GHR: variants seen among roughly 807,000 people sequenced by gnomAD.
The protein encoded by GHR is growth hormone receptor.
In GHR, 35 loss-of-function variants were observed where a neutral mutation model predicts 67.1. The ratio of observed to expected loss-of-function variants is 0.52; its 90% confidence interval spans 0.40 to 0.69. The LOEUF (loss-of-function observed/expected upper bound fraction) is 0.69, where lower values mean the gene tolerates loss of function less well. Among genes scored for constraint, GHR ranks in the 30% least tolerant of loss-of-function variants. The pLI is 0.00. For missense variants in GHR, 792 were observed against 764.6 expected (o/e 1.04, Z -0.42); for synonymous variants, 272 against 269.1 (o/e 1.01, Z -0.10).
chr5:42,540,804 A>AC (rs974277075), intron 1 of GHR, among the ~76,000 whole-genome samples: 1 of 151,792 alleles, frequency 6.6e-6, no homozygotes, highest in African/African-American at 2.4e-5. Context: ...GTCCTTCTGC[A>AC]CCCCCCAGTC....
At chr5:42,662,640 A>G (rs1755710793) in intron 3 of GHR, among the ~76,000 whole-genome samples, 1 of 152,318 alleles carries the variant, frequency 6.6e-6, no homozygotes, top group South Asian at 2.1e-4. Context: ...CTAAATGCCC[A>G]CAAGAGAAAG....
intron 3 of GHR, among the ~76,000 whole-genome samples, chr5:42,637,591 G>A (rs1467767413): frequency 1.3e-5 from 2 of 152,070 alleles, no homozygotes; most frequent in Non-Finnish European, 2.9e-5. Context: ...CACTTATGAT[G>A]ATGACTTCCA....
intron 1 of GHR, among the ~76,000 whole-genome samples, chr5:42,477,033 TC>T (rs1322355372): frequency 5.8e-5 from 4 of 69,520 alleles, no homozygotes; most frequent in Admixed American, 4.3e-4. Context: ...CCCTCCCCCC[TC>T]CCCCCACCCC....
intron 1 of GHR, among the ~76,000 whole-genome samples, chr5:42,456,289 G>A (rs1022020679): frequency 1.2e-4 from 19 of 152,190 alleles, no homozygotes; most frequent in African/African-American, 4.3e-4. Context: ...GCAGCCTGGT[G>A]ACAGAGCGAG....
At position 42,595,572 on chromosome 5, in the gene GHR, G is replaced by A. The variant is rs142667332; in HGVS notation, c.70+29628G>A. 2.9e-3 allele frequency among the ~76,000 whole-genome samples: 445 copies of A among 152,214 alleles called. 6 individuals are homozygous for A. Among genetic ancestry groups the A allele is most frequent in the African/African-American group, 0.01 (426 of 41,524 alleles). ...TTTATTTTTCTTAATATGTTTTATT[G>A]TGTATTTGTTAATATGTTTTGTTGT... On this transcript the variant is annotated intron_variant, in intron 2 of 9. Coordinates refer to ENST00000230882, the MANE Select transcript of GHR (RefSeq NM_000163.5).
chr5:42,521,586 A>G (rs35500216), intron 1 of GHR, among the ~76,000 whole-genome samples: 50,025 of 152,150 alleles, frequency 0.33, 8,925 homozygotes, highest in African/African-American at 0.45. Context: ...TTACATTTTC[A>G]TCTGCTAACG....
chr5:42,521,979 C>G (rs1747494971), intron 1 of GHR, among the ~76,000 whole-genome samples: 1 of 152,078 alleles, frequency 6.6e-6, no homozygotes, highest in African/African-American at 2.4e-5. Flanking sequence ...GTTGGTTTTT[C>G]TCAGCTCAAC....
chr5:42,520,252 C>G (rs1253379712), intron 1 of GHR, among the ~76,000 whole-genome samples: 4 of 152,036 alleles, frequency 2.6e-5, no homozygotes, highest in African/African-American at 9.7e-5. Context: ...AAGACAAATC[C>G]TAAAGTACCT....
At chr5:42,683,011 A>AT (rs35660375) in intron 3 of GHR, among the ~76,000 whole-genome samples, 1,838 of 150,164 alleles carry the variant, frequency 0.012, 33 homozygotes, top group African/African-American at 0.042. Flanking sequence ...ATTTTTATAT[A>AT]TTTTTTTTTG....
chr5:42,586,790 G>A (rs1751499260), intron 2 of GHR, among the ~76,000 whole-genome samples: 1 of 152,162 alleles, frequency 6.6e-6, no homozygotes, highest in Non-Finnish European at 1.5e-5. Flanking sequence ...TTACGTCTGA[G>A]CCAGAGGGCT....
chr5:42,619,849 C>T (rs1006998624), intron 2 of GHR: 2 of 152,144 alleles, frequency 1.3e-5, no homozygotes, highest in Admixed American at 1.3e-4. Context: ...ACACCTCTGA[C>T]ATGCTGAATT....
At chr5:42,457,846 T>C (rs1382493391) in intron 1 of GHR, among the ~76,000 whole-genome samples, 3 of 152,156 alleles carry the variant, frequency 2.0e-5, no homozygotes, top group Non-Finnish European at 4.4e-5. Flanking sequence ...AAGTAAAAAG[T>C]TCAAAATAGC....
At chr5:42,653,066 CAA>C (rs1216603178) in intron 3 of GHR, among the ~76,000 whole-genome samples, 1 of 152,098 alleles carries the variant, frequency 6.6e-6, no homozygotes, top group Non-Finnish European at 1.5e-5. Flanking sequence ...GAGAATTGAG[CAA>C]GACCATATAC....
intron 3 of GHR, among the ~76,000 whole-genome samples, chr5:42,664,943 C>G (rs1316344821): frequency 6.6e-6 from 1 of 152,190 alleles, no homozygotes; most frequent in Non-Finnish European, 1.5e-5. Context: ...AGGACATGAA[C>G]AGACACTTCT....
chr5:42,608,286 A>G (rs1752724291), intron 2 of GHR, among the ~76,000 whole-genome samples: 1 of 152,260 alleles, frequency 6.6e-6, no homozygotes, highest in Admixed American at 6.5e-5. Context: ...TAATTTAAAA[A>G]TAAAAAAGAA....
At chr5:42,444,627 C>T (rs1361622896) in intron 1 of GHR, among the ~76,000 whole-genome samples, 1 of 151,976 alleles carries the variant, frequency 6.6e-6, no homozygotes, top group Admixed American at 6.6e-5. Flanking sequence ...CTATATATTC[C>T]CTCAACCTAT....
At position 42,711,292 on chromosome 5, in the gene GHR, G is replaced by GA; in HGVS notation, c.707dup (p.Asn236LysfsTer10). On this transcript the variant is annotated frameshift_variant, in exon 7 of 10. Coordinates refer to ENST00000230882, the MANE Select transcript of GHR (RefSeq NM_000163.5). LOFTEE classifies it high-confidence loss of function. ...GAAGTGCGTGTGAGATCCAAACAAC[G>GA]AAACTCTGGAAATTATGGCGAGTTC... The GA allele has an allele frequency of 6.2e-7, 1 of 1,612,814 alleles. No individual in the cohort carries two copies. The highest frequency in any genetic ancestry group is 1.3e-5 in the African/African-American group (1 of 74,998).
At chr5:42,715,763 C>G (rs749394910) in intron 8 of GHR, among the ~76,000 whole-genome samples, 1 of 152,144 alleles carries the variant, frequency 6.6e-6, no homozygotes, top group Non-Finnish European at 1.5e-5. Context: ...ACACAAAAAT[C>G]CAGATTTGGG....
intron 2 of GHR, among the ~76,000 whole-genome samples, chr5:42,585,761 T>C (rs1751443106): frequency 6.7e-6 from 1 of 148,782 alleles, no homozygotes; most frequent in Admixed American, 6.7e-5. Context: ...GTAATGCTTA[T>C]AAGAAACTTA....
Sources: allele counts gnomAD v4.1 joint callset (sites outside exome capture counted in the v4.1 genomes callset), GRCh38; gene constraint gnomAD v4.1.1; transcripts MANE v1.5; gene names NCBI Gene and HGNC (gene_info 2026-07-23, HGNC 2026-07-21).